ADK: variants seen among roughly 807,000 people sequenced by gnomAD.
ADK encodes N6,N6-dimethyladenosine kinase.
In ADK, 24 loss-of-function variants were observed where a neutral mutation model predicts 44.7. That is an observed-to-expected ratio of 0.54 (90% CI 0.39 to 0.76). The LOEUF is 0.76. Among genes scored for constraint, ADK ranks in the 30% least tolerant of loss-of-function variants. The pLI is 0.00. For missense variants in ADK, 321 were observed against 425.1 expected (o/e 0.76, Z 2.15); for synonymous variants, 128 against 142.6 (o/e 0.90, Z 0.73).
At chr10:74,182,185 G>A (rs1842583636) in intron 1 of ADK, among the ~76,000 whole-genome samples, 6 of 152,052 alleles carry the variant, frequency 3.9e-5, no homozygotes, top group Admixed American at 3.9e-4. Context: ...GAGCCTTAAA[G>A]TTTTCAAACT....
chr10:74,257,461 T>A (rs1195066990), intron 3 of ADK, among the ~76,000 whole-genome samples: 1 of 152,200 alleles, frequency 6.6e-6, no homozygotes, highest in East Asian at 1.9e-4. Flanking sequence ...ATGTATGTTT[T>A]AAAGTGAGTG....
At chr10:74,425,562 A>G (rs1392918889) in intron 6 of ADK, among the ~76,000 whole-genome samples, 2 of 152,258 alleles carry the variant, frequency 1.3e-5, no homozygotes, top group East Asian at 3.9e-4. Flanking sequence ...ATTTCACACT[A>G]TGGCTGATTT....
intron 10 of ADK, among the ~76,000 whole-genome samples, chr10:74,681,644 G>A (rs1241022587): frequency 1.3e-5 from 1 of 75,590 alleles, no homozygotes; most frequent in Non-Finnish European, 3.1e-5. Flanking sequence ...TCAGGAGTTC[G>A]AGACCACCGG....
At chr10:74,590,805 G>A (rs918184495) in intron 8 of ADK, among the ~76,000 whole-genome samples, 23 of 151,996 alleles carry the variant, frequency 1.5e-4, no homozygotes, top group Admixed American at 6.6e-5. Flanking sequence ...AAAGTCAAAT[G>A]TTTTGATCAT....
intron 1 of ADK, among the ~76,000 whole-genome samples, chr10:74,162,456 T>G (rs1289533416): frequency 6.6e-6 from 1 of 151,886 alleles, no homozygotes; most frequent in Admixed American, 6.6e-5. Context: ...TTAAATGGAG[T>G]GAGCTTGTGT....
At chr10:74,538,583 A>G (rs1156406578) in intron 7 of ADK, among the ~76,000 whole-genome samples, 1 of 152,238 alleles carries the variant, frequency 6.6e-6, no homozygotes, top group Non-Finnish European at 1.5e-5. Context: ...ACTGCTAGAT[A>G]GATCAGGACA....
At chr10:74,455,665 A>G (rs960248775) in intron 6 of ADK, among the ~76,000 whole-genome samples, 1 of 152,036 alleles carries the variant, frequency 6.6e-6, no homozygotes, top group African/African-American at 2.4e-5. Context: ...GTGCGCCACC[A>G]CGCCCAGCTA....
At chr10:74,707,549 G>T (rs2131803226) in intron 10 of ADK, among the ~76,000 whole-genome samples, 1 of 152,064 alleles carries the variant, frequency 6.6e-6, no homozygotes, top group East Asian at 1.9e-4. Flanking sequence ...GATCACCTGA[G>T]GTCAGGAGTT....
intron 9 of ADK, among the ~76,000 whole-genome samples, chr10:74,615,205 G>A (rs1852703864): frequency 6.6e-6 from 1 of 151,958 alleles, no homozygotes; most frequent in African/African-American, 2.4e-5. Flanking sequence ...CTTTTTTTCT[G>A]TAGCCCAATA....
chr10:74,648,420 C>T (rs1243437761), intron 9 of ADK, among the ~76,000 whole-genome samples: 1 of 152,168 alleles, frequency 6.6e-6, no homozygotes, highest in Non-Finnish European at 1.5e-5. Context: ...TGGCTCACAC[C>T]TGTAATCCCA....
intron 9 of ADK, among the ~76,000 whole-genome samples, chr10:74,647,389 C>T (rs1443496754): frequency 6.6e-6 from 1 of 152,102 alleles, no homozygotes; most frequent in Admixed American, 6.6e-5. Context: ...AACTGGTTTA[C>T]TAGAGGTAAT....
chr10:74,552,819 C>A (rs939945861), intron 7 of ADK, among the ~76,000 whole-genome samples: 21 of 152,004 alleles, frequency 1.4e-4, no homozygotes, highest in Non-Finnish European at 2.4e-4. Flanking sequence ...AATAAGCACA[C>A]TAAAAGAGGA....
intron 7 of ADK, among the ~76,000 whole-genome samples, chr10:74,570,776 T>A (rs1333241883): frequency 6.6e-6 from 1 of 152,164 alleles, no homozygotes; most frequent in Admixed American, 6.5e-5. Flanking sequence ...GAATACCCTT[T>A]ATTTCCTTCT....
At chr10:74,555,184 C>G (rs1850194195) in intron 7 of ADK, among the ~76,000 whole-genome samples, 1 of 152,104 alleles carries the variant, frequency 6.6e-6, no homozygotes, top group Non-Finnish European at 1.5e-5. Flanking sequence ...TCTCAGATCT[C>G]CAGAGGTTGA....
At chr10:74,472,304 C>A (rs1846622522) in intron 6 of ADK, among the ~76,000 whole-genome samples, 1 of 152,116 alleles carries the variant, frequency 6.6e-6, no homozygotes, top group African/African-American at 2.4e-5. Context: ...ATCGGCTTTT[C>A]ATATACAGTC....
Position 74,576,149 on chromosome 10 carries a change from G to A in ADK, c.727-13133G>A, listed in dbSNP as rs144868459. Reference sequence around the variant, plus strand: ...CTTTTAGAGAAAGACTGCATTTAGGGAATGTAGCAAATAAGATAAGCAACA... The same window carrying A: ...CTTTTAGAGAAAGACTGCATTTAGGAAATGTAGCAAATAAGATAAGCAACA... On this transcript the variant is annotated intron_variant, in intron 7 of 10. Transcript: ENST00000539909. Among the ~76,000 whole-genome samples the A allele has an allele frequency of 9.9e-5, 15 of 152,260 alleles. No homozygotes were observed. The East Asian group carries it at 2.9e-3, about 29-fold the overall frequency.
At chr10:74,301,055 A>G (rs1158006257) in intron 3 of ADK, among the ~76,000 whole-genome samples, 1 of 152,260 alleles carries the variant, frequency 6.6e-6, no homozygotes, top group Admixed American at 6.5e-5. Flanking sequence ...GAATTCTATA[A>G]ATGCTTTCTA....
chr10:74,640,876 A>C lies in ADK; in HGVS notation c.878-29307A>C, dbSNP rs1225851524. On this transcript the variant is annotated intron_variant, in intron 9 of 10. Transcript: ENST00000539909. ...GAGAATTATTTGATGAATAGGATATAATTCTTATTTCATAGAGACCATTCT... is the reference window on the plus strand; with the variant it reads ...GAGAATTATTTGATGAATAGGATATCATTCTTATTTCATAGAGACCATTCT... 2.0e-5 allele frequency among the ~76,000 whole-genome samples: 3 copies of C among 152,356 alleles called. No individual in the cohort carries two copies. In the East Asian group the frequency reaches 5.8e-4, roughly 29 times the overall value.
intron 6 of ADK, among the ~76,000 whole-genome samples, chr10:74,425,999 T>C (rs1293351672): frequency 1.3e-5 from 2 of 152,210 alleles, no homozygotes; most frequent in Non-Finnish European, 2.9e-5. Flanking sequence ...TTCTTGTTTG[T>C]AAATTTAATG....
Sources: gnomAD v4.1 joint callset for allele counts (sites outside exome capture counted in the v4.1 genomes callset) on GRCh38, gnomAD v4.1.1 for gene constraint, MANE v1.5 for transcripts, NCBI Gene and HGNC (gene_info 2026-07-23, HGNC 2026-07-21) for gene names.